The following TMEM131L variants were observed in gnomAD, a reference collection of about 807,000 sequenced individuals.
TMEM131L encodes the protein transmembrane 131 like, also known as transmembrane protein 131-like.
Under a neutral mutation model 192.2 loss-of-function variants are expected in TMEM131L, and 54 were observed. The observed-to-expected ratio is 0.28, with a 90% CI of 0.23 to 0.35. The LOEUF is 0.35. Among genes scored for constraint, TMEM131L ranks in the 10% least tolerant of loss-of-function variants. The pLI, the probability that TMEM131L is intolerant of heterozygous loss-of-function variation, is 1.00. For synonymous variants in TMEM131L, 701 were observed against 704.9 expected (o/e 0.99, Z 0.09); for missense variants, 1,888 against 1,972.9 (o/e 0.96, Z 0.82).
chr4:153,627,657 G>C lies in TMEM131L; in HGVS notation c.4177G>C (p.Ala1393Pro), dbSNP rs35543386. ...AGAGCCTTCCTGTCCCAGCCTTCCT[G>C]CCGGGCCCACAGGTGTTGAAGAAGA... ...YAEPSCPSLP[A>P]GPTGVEEDKG... The change falls in exon 31 of 35, where the codon GCC becomes CCC. Residue 1393 changes from alanine to proline, a missense_variant. Physicochemically the swap from Ala to Pro is conservative, Grantham distance 27. Transcript: ENST00000409959. The C allele has an allele frequency of 7.2e-3, 11,667 of 1,613,972 alleles. 76 individuals carry two copies. Among genetic ancestry groups the C allele is most frequent in the Middle Eastern group, 0.024 (144 of 6,056 alleles).
At position 153,550,060 on chromosome 4, in the gene TMEM131L, TTTC is replaced by T; in HGVS notation, c.240-10_240-8del. Reference sequence around the variant, plus strand: ...AAACTACAACAAAATCAACCTCTCTTTTCTTTTTTTAGCTTCTCGGACAAACTA... The same window carrying T: ...AAACTACAACAAAATCAACCTCTCTTTTTTTTTAGCTTCTCGGACAAACTA... On this transcript the variant is annotated splice_polypyrimidine_tract_variant and intron_variant, in intron 3 of 34. Transcript: ENST00000409959. The T allele has an allele frequency of 7.1e-7, 1 of 1,414,954 alleles. No homozygotes were observed. The highest frequency in any genetic ancestry group is 9.5e-7 in the Non-Finnish European group (1 of 1,054,754). 87.6% of individuals were successfully genotyped at this position (1,414,954 alleles called of 1,614,324 possible). A position where few individuals can be genotyped will look rare whatever the true frequency, so the allele number is the denominator to read the frequency against.
chr4:153,632,984 T>C (rs1189893507), intron 32 of TMEM131L, 146 bp downstream of exon 32: 8 of 830,860 alleles, frequency 9.6e-6, no homozygotes, highest in Non-Finnish European at 1.5e-5. Context: ...CCTTCTGCCT[T>C]TTAGAGTTGC....
chr4:153,588,521 T>C (rs111932529), intron 15 of TMEM131L, among the ~76,000 whole-genome samples: 113 of 151,324 alleles, frequency 7.5e-4, no homozygotes, highest in African/African-American at 2.5e-3. Flanking sequence ...GCACTCTAGA[T>C]AGTGACCTGG....
intron 3 of TMEM131L, among the ~76,000 whole-genome samples, chr4:153,482,433 C>CT (rs1279397546): frequency 1.3e-5 from 2 of 151,606 alleles, no homozygotes; most frequent in Admixed American, 6.6e-5. Flanking sequence ...CCACAGAAAC[C>CT]TTTTTTTTAG....
chr4:153,629,036 C>G (rs779605816), intron 31 of TMEM131L, among the ~76,000 whole-genome samples: 1 of 152,092 alleles, frequency 6.6e-6, no homozygotes, highest in Non-Finnish European at 1.5e-5. Context: ...GTCATTTCCT[C>G]GACTCCTCTC....
chr4:153,573,832 C>T (rs1729754400), intron 7 of TMEM131L, among the ~76,000 whole-genome samples: 1 of 152,082 alleles, frequency 6.6e-6, no homozygotes, highest in Non-Finnish European at 1.5e-5. Context: ...AAAGAGTTAT[C>T]TTCTAAAAGC....
At chr4:153,620,654 C>T in intron 26 of TMEM131L, 102 bp from the exon 27 acceptor site, 1 of 685,540 alleles carries the variant, frequency 1.5e-6, no homozygotes, top group Non-Finnish European at 2.3e-6. Flanking sequence ...TTCAACAGCA[C>T]TGGGACATTC....
chr4:153,614,330 T>G (rs1732827358), intron 26 of TMEM131L, among the ~76,000 whole-genome samples: 1 of 152,206 alleles, frequency 6.6e-6, no homozygotes, highest in African/African-American at 2.4e-5. Flanking sequence ...ATAGGCTAAG[T>G]GAAAGCAATA....
intron 3 of TMEM131L, among the ~76,000 whole-genome samples, chr4:153,477,599 TAAA>T (rs375780565): frequency 1.3e-5 from 2 of 150,444 alleles, no homozygotes; most frequent in African/African-American, 4.9e-5. Flanking sequence ...ATGACTTATA[TAAA>T]AAAAAAATTT....
chr4:153,558,251 T>G lies in TMEM131L; in HGVS notation c.550-7T>G. ...ACAGAGGAGCAATTCTCTCTCTTTT[T>G]CCGCAGGTATCTGGAATTGGCACTC... On this transcript the variant is annotated splice_region_variant and splice_polypyrimidine_tract_variant and intron_variant, in intron 6 of 34. Transcript: ENST00000409959. 2 of 1,467,692 alleles carry G rather than the reference T, an allele frequency of 1.4e-6. No individual in the cohort carries two copies. 90.9% of individuals were successfully genotyped at this position (1,467,692 alleles called of 1,614,324 possible). A position where few individuals can be genotyped will look rare whatever the true frequency, so the allele number is the denominator to read the frequency against.
At chr4:153,633,901 C>T (rs17030267) in intron 32 of TMEM131L, among the ~76,000 whole-genome samples, 7,789 of 152,204 alleles carry the variant, frequency 0.051, 669 homozygotes, top group African/African-American at 0.18. Context: ...GCTGTTCTTT[C>T]ACAGTGCTGA....
Position 153,621,209 on chromosome 4 carries a change from G to C in TMEM131L, c.3692+329G>C, listed in dbSNP as rs1229871200. Among the ~76,000 whole-genome samples the C allele has an allele frequency of 2.0e-5, 3 of 152,198 alleles. No individual in the cohort carries two copies. The East Asian group carries it at 5.8e-4, about 29-fold the overall frequency. On this transcript the variant is annotated intron_variant, in intron 27 of 34. Transcript: ENST00000409959. ...TATGAGAGGCAGGGGCATTTGTGGAGCAGGAACTAGAGAAAACCACGGGGC... is the reference window on the plus strand; with the variant it reads ...TATGAGAGGCAGGGGCATTTGTGGACCAGGAACTAGAGAAAACCACGGGGC...
chr4:153,579,308 T>G (rs1343179360), intron 7 of TMEM131L, among the ~76,000 whole-genome samples: 1 of 152,122 alleles, frequency 6.6e-6, no homozygotes, highest in Non-Finnish European at 1.5e-5. Flanking sequence ...GACTCCAGCC[T>G]GGGAAACAGA....
At chr4:153,467,824 T>G (rs2149695881) in intron 2 of TMEM131L, among the ~76,000 whole-genome samples, 1 of 152,326 alleles carries the variant, frequency 6.6e-6, no homozygotes, top group East Asian at 1.9e-4. Context: ...ATATGATGAT[T>G]GCGTGTAGAA....
chr4:153,473,918 A>G (rs370434412), intron 3 of TMEM131L, 30 bp downstream of exon 3: 192 of 1,511,176 alleles, frequency 1.3e-4, no homozygotes, highest in Middle Eastern at 1.7e-4. Context: ...GGAAACCTGC[A>G]TGCTGAATGT....
At chr4:153,589,850 T>C (rs1305356926) in intron 16 of TMEM131L, among the ~76,000 whole-genome samples, 1 of 152,170 alleles carries the variant, frequency 6.6e-6, no homozygotes, top group Admixed American at 6.5e-5. Context: ...TCTCTATGTG[T>C]ACACACACAC....
chr4:153,480,528 A>T (rs902404469), intron 3 of TMEM131L, among the ~76,000 whole-genome samples: 1 of 151,238 alleles, frequency 6.6e-6, no homozygotes, highest in Non-Finnish European at 1.5e-5. Flanking sequence ...AAAAAAAAAA[A>T]AAAAAAAAAA....
chr4:153,536,001 T>C (rs1335384371), intron 3 of TMEM131L, among the ~76,000 whole-genome samples: 1 of 152,192 alleles, frequency 6.6e-6, no homozygotes, highest in East Asian at 1.9e-4. Context: ...TGGGTATTTA[T>C]TGAGAGAAGG....
intron 25 of TMEM131L, among the ~76,000 whole-genome samples, chr4:153,604,993 G>A (rs1025802394): frequency 6.6e-6 from 1 of 152,218 alleles, no homozygotes; most frequent in South Asian, 2.1e-4. Context: ...GTGAGCCACC[G>A]AACCTGGCCT....
Sources: allele counts gnomAD v4.1 joint callset (sites outside exome capture counted in the v4.1 genomes callset), GRCh38; gene constraint gnomAD v4.1.1; transcripts MANE v1.5; gene names NCBI Gene and HGNC (gene_info 2026-07-23, HGNC 2026-07-21).